Variants in RARB observed in about 807,000 individuals in gnomAD.
The protein encoded by RARB is retinoic acid receptor beta, also known as HBV-activated protein.
Under a neutral mutation model 51.9 loss-of-function variants are expected in RARB, and 17 were observed. The ratio of observed to expected loss-of-function variants is 0.33; its 90% CI spans 0.22 to 0.49. The LOEUF (loss-of-function observed/expected upper bound fraction) is 0.49, where lower values mean the gene tolerates loss of function less well. RARB is among the 20% of genes least tolerant of loss of function. The probability of loss-of-function intolerance (pLI) is 0.99; values close to 1 mark genes in which losing one functional copy is unlikely to be tolerated. For synonymous variants in RARB, 215 were observed against 195.4 expected (o/e 1.10, Z -0.84); for missense variants, 369 against 550.8 (o/e 0.67, Z 3.30).
chr3:25,081,621 ATTTT>A (rs1168828068), intron 3 of RARB, among the ~76,000 whole-genome samples: 7 of 5,798 alleles, frequency 1.2e-3, no homozygotes, highest in Non-Finnish European at 2.1e-3. Flanking sequence ...ATATATATAT[ATTTT>A]TTTTTTTTTT....
intron 5 of RARB, among the ~76,000 whole-genome samples, chr3:25,233,783 C>A (rs1299602599): frequency 1.0e-4 from 15 of 146,146 alleles, no homozygotes; most frequent in Admixed American, 2.7e-4. Flanking sequence ...TTTTTTTAAT[C>A]ATGAATGGAT....
At chr3:24,840,677 G>A (rs537801570) in intron 1 of RARB, among the ~76,000 whole-genome samples, 1 of 141,970 alleles carries the variant, frequency 7.0e-6, no homozygotes, top group East Asian at 2.3e-4. Context: ...GCATTGGAAT[G>A]TAAATGGTTA....
At chr3:25,059,818 T>C (rs981227983) in intron 2 of RARB, among the ~76,000 whole-genome samples, 2 of 151,784 alleles carry the variant, frequency 1.3e-5, no homozygotes, top group African/African-American at 4.8e-5. Context: ...TTTGCTATAA[T>C]CTCTGATGAG....
chr3:25,455,270 C>T (rs1313508545), intron 1 of RARB, among the ~76,000 whole-genome samples: 1 of 152,132 alleles, frequency 6.6e-6, no homozygotes, highest in Non-Finnish European at 1.5e-5. Flanking sequence ...TTTTCCTTAA[C>T]TCCTATTTCC....
chr3:25,391,783 GAC>G (rs1706967181), intron 5 of RARB, among the ~76,000 whole-genome samples: 1 of 152,010 alleles, frequency 6.6e-6, no homozygotes, highest in Admixed American at 6.6e-5. Context: ...GTAGATTCTG[GAC>G]ATTAGTCCTT....
intron 2 of RARB, among the ~76,000 whole-genome samples, chr3:24,877,251 A>G (rs914755632): frequency 1.3e-5 from 2 of 151,898 alleles, no homozygotes; most frequent in Admixed American, 1.3e-4. Context: ...GTTCTGAAAA[A>G]GAGGATAAAT....
chr3:25,297,824 A>G (rs1429552502), intron 5 of RARB, among the ~76,000 whole-genome samples: 1 of 152,064 alleles, frequency 6.6e-6, no homozygotes, highest in Admixed American at 6.5e-5. Context: ...AAATTTTTTG[A>G]TGTTGTCCTA....
At chr3:24,932,397 C>T (rs1416973465) in intron 2 of RARB, among the ~76,000 whole-genome samples, 1 of 152,064 alleles carries the variant, frequency 6.6e-6, no homozygotes, top group Admixed American at 6.6e-5. Flanking sequence ...TGCAACAGCT[C>T]TCGTTTGTGT....
In RARB at chr3:25,569,754, C is replaced by G. The variant is rs1156596424; in HGVS notation, c.449-4C>G. 1 of 1,612,764 alleles carries G rather than the reference C, an allele frequency of 6.2e-7. No homozygotes were observed. Among genetic ancestry groups the G allele is most frequent in the African/African-American group, 1.3e-5 (1 of 74,950 alleles). ...CCCTGATGTGCCTTCTCTCTCGTTTCCAGCTGTCAGGAATGACAGGAACAA... is the reference window on the plus strand; with the variant it reads ...CCCTGATGTGCCTTCTCTCTCGTTTGCAGCTGTCAGGAATGACAGGAACAA... On this transcript the variant is annotated splice_region_variant and splice_polypyrimidine_tract_variant and intron_variant, in intron 3 of 7. Transcript: ENST00000330688.
At chr3:25,525,211 G>A (rs1357278659) in intron 3 of RARB, among the ~76,000 whole-genome samples, 1 of 152,168 alleles carries the variant, frequency 6.6e-6, no homozygotes, top group Non-Finnish European at 1.5e-5. Flanking sequence ...CAAAGATCTA[G>A]CTCAGAAAGA....
chr3:24,925,597 G>A (rs538497780), intron 2 of RARB, among the ~76,000 whole-genome samples: 1 of 142,570 alleles, frequency 7.0e-6, no homozygotes, highest in African/African-American at 2.6e-5. Flanking sequence ...AGTGAACCAA[G>A]AGCTCACGAT....
At chr3:25,248,790 G>A (rs1213533192) in intron 5 of RARB, among the ~76,000 whole-genome samples, 1 of 152,088 alleles carries the variant, frequency 6.6e-6, no homozygotes, top group Admixed American at 6.5e-5. Context: ...GATGTCTACT[G>A]CTTATATGTC....
chr3:25,516,691 A>G (rs1039695868), intron 3 of RARB, among the ~76,000 whole-genome samples: 2 of 147,978 alleles, frequency 1.4e-5, no homozygotes, highest in Non-Finnish European at 3.0e-5. Flanking sequence ...CAGTGATGCA[A>G]TCTTGGCTCA....
chr3:25,221,299 T>C (rs542471968), intron 5 of RARB, among the ~76,000 whole-genome samples: 21 of 149,846 alleles, frequency 1.4e-4, no homozygotes, highest in Admixed American at 7.2e-4. Flanking sequence ...GAGACAACTC[T>C]CTGTCCTTAC....
intron 2 of RARB, among the ~76,000 whole-genome samples, chr3:25,028,614 A>G (rs1697802860): frequency 6.6e-6 from 1 of 152,122 alleles, no homozygotes; most frequent in African/African-American, 2.4e-5. Context: ...GAATCATGGG[A>G]AAGGGTGTTT....
chr3:25,283,759 C>T (rs1181528425), intron 5 of RARB, among the ~76,000 whole-genome samples: 2 of 152,136 alleles, frequency 1.3e-5, no homozygotes, highest in Non-Finnish European at 2.9e-5. Context: ...TCTAAGGGGG[C>T]AGTTTGTGAA....
At chr3:25,591,812 T>C (rs1460032900) in intron 5 of RARB, among the ~76,000 whole-genome samples, 5 of 152,202 alleles carry the variant, frequency 3.3e-5, no homozygotes, top group Non-Finnish European at 7.3e-5. Flanking sequence ...CCTCACTCTA[T>C]AGGATGTCCT....
intron 2 of RARB, among the ~76,000 whole-genome samples, chr3:24,976,636 G>A (rs1167051606): frequency 6.6e-6 from 1 of 151,828 alleles, no homozygotes; most frequent in Non-Finnish European, 1.5e-5. Context: ...GTAAATTTAA[G>A]TTCTTTGTAG....
At chr3:25,288,362 CTCTCCCTAG>C (rs112282490) in intron 5 of RARB, among the ~76,000 whole-genome samples, 7,546 of 152,258 alleles carry the variant, frequency 0.05, 187 homozygotes, top group South Asian at 0.052. Flanking sequence ...ATCGCTTCTT[CTCTCCCTAG>C]TCACGCTAGA....
Sources: allele counts gnomAD v4.1 joint callset (sites outside exome capture counted in the v4.1 genomes callset), GRCh38; gene constraint gnomAD v4.1.1; transcripts MANE v1.5; gene names NCBI Gene and HGNC (gene_info 2026-07-23, HGNC 2026-07-21).